The following AHNAK2 variants were observed in gnomAD, a reference collection of about 807,000 sequenced individuals.
AHNAK2 encodes AHNAK nucleoprotein 2.
Under a neutral mutation model 30.7 loss-of-function variants are expected in AHNAK2, and 18 were observed. The ratio of observed to expected loss-of-function variants is 0.59; its 90% CI spans 0.41 to 0.87. AHNAK2 has a LOEUF of 0.87. Ranked by LOEUF, AHNAK2 falls within the 40% of genes least tolerant of loss-of-function variation. The pLI is 0.00. For missense variants in AHNAK2, 8,604 were observed against 7,373.0 expected (o/e 1.17, Z -6.11); for synonymous variants, 3,590 against 3,073.8 (o/e 1.17, Z -5.56).
In AHNAK2 at chr14:104,942,036, G is replaced by T. The variant is rs1450253238; in HGVS notation, c.13415C>A (p.Ser4472Tyr). Residue 4472 changes from serine to tyrosine, a missense_variant, in exon 7 of 7, where the codon TCC becomes TAC. Transcript: ENST00000333244. ...KFKMPKFKMP[S>Y]FGMLSPGKSI... Reference sequence around the variant, plus strand: ...CTTGCCTGGGGACAACATCCCAAAGGATGGCATCTTGAACTTGGGCATTTT... The same window carrying T: ...CTTGCCTGGGGACAACATCCCAAAGTATGGCATCTTGAACTTGGGCATTTT... 1.6e-5 allele frequency: 25 copies of T among 1,612,234 alleles called. No homozygotes were observed. In the Admixed American group the frequency reaches 4.2e-4, roughly 27 times the overall value.
At chr14:104,976,175 C>A (rs1338642179) in intron 1 of AHNAK2, among the ~76,000 whole-genome samples, 1 of 152,178 alleles carries the variant, frequency 6.6e-6, no homozygotes, top group Non-Finnish European at 1.5e-5. Flanking sequence ...GGGAAAGAGG[C>A]AACCTGCCCC....
Position 104,946,883 on chromosome 14 carries a change from A to C in AHNAK2, c.8568T>G (p.Leu2856=), listed in dbSNP as rs151173659. 4,356 of 1,609,798 alleles carry C rather than the reference A, an allele frequency of 2.7e-3. 176 individuals are homozygous for C. The African/African-American group carries it at 0.049, about 18-fold the overall frequency. The stretch of plus-strand genomic sequence containing the variant: ...GCTGAATGCGGATGTCAGTGGTCTT[A>C]AGATCCCCTTGCATGGAGGGGAAGC... ...DGSFPSMQGD[L]KTTDIRIQPP... is the part of the protein sequence containing the mutation. Residue 2856 remains leucine (L), a synonymous_variant, in exon 7 of 7, where the codon CTT becomes CTG. Transcript: ENST00000333244.
Position 104,944,982 on chromosome 14 carries a change from C to T in AHNAK2, c.10469G>A (p.Arg3490Lys), listed in dbSNP as rs199872023. 517 of 1,611,102 alleles carry T rather than the reference C, an allele frequency of 3.2e-4. 1 individual carries two copies. The highest frequency in any genetic ancestry group is 2.0e-3 in the African/African-American group (152 of 74,282). Reference sequence around the variant, plus strand: ...CACATCCAGCGAGGCCTCGATGGACCTGCCTGGGGCCGACACCCCGAAGGA... The same window carrying T: ...CACATCCAGCGAGGCCTCGATGGACTTGCCTGGGGCCGACACCCCGAAGGA... ...MPSFGVSAPG[R>K]SIEASLDVSA... Residue 3490 changes from arginine (R) to lysine (K), a missense_variant, in exon 7 of 7, where the codon AGG becomes AAG. Arg to Lys is a conservative substitution (Grantham distance 26). Transcript: ENST00000333244.
intron 1 of AHNAK2, among the ~76,000 whole-genome samples, chr14:104,965,471 CA>C (rs752083479): frequency 2.7e-4 from 40 of 150,716 alleles, no homozygotes; most frequent in East Asian, 3.9e-4. Context: ...AACCGTCCCA[CA>C]AAAAGGACTC....
rs866110690 is a variant in AHNAK2, at chr14:104,969,889, A to T, written c.55+8294T>A. 1.2e-3 allele frequency among the ~76,000 whole-genome samples: 190 copies of T among 152,222 alleles called. 1 individual carries two copies. The highest frequency in any genetic ancestry group is 4.3e-3 in the African/African-American group (180 of 41,542). On this transcript the variant is annotated intron_variant, in intron 1 of 6. Coordinates refer to ENST00000333244, the MANE Select transcript of AHNAK2 (RefSeq NM_138420.4). ...GGCAGTGTGACCCTGTGATGGAGCTACCCATCGCCCCAGGCCCCCACAGCC... is the reference window on the plus strand; with the variant it reads ...GGCAGTGTGACCCTGTGATGGAGCTTCCCATCGCCCCAGGCCCCCACAGCC...
chr14:104,948,911 T>C lies in AHNAK2; in HGVS notation c.6540A>G (p.Pro2180=), dbSNP rs561363215. The C allele has an allele frequency of 6.5e-3, 10,226 of 1,583,612 alleles. 474 individuals carry two copies. The African/African-American group carries it at 0.11, about 17-fold the overall frequency. ...GACTCATGTCGGCCTCCACCTTGGG[T>C]GGAGACACATCCACCGAGGCCTCGA... The part of the protein sequence containing the change: ...KSIEASVDVS[P]PKVEADMSLP... Residue 2180 remains proline (P), a synonymous_variant, in exon 7 of 7, where the codon CCA becomes CCG. Transcript: ENST00000333244.
rs150553508 is a variant in AHNAK2, at chr14:104,938,833, G to A, written c.16618C>T (p.Gln5540Ter). The A allele has an allele frequency of 4.3e-6, 7 of 1,613,924 alleles. No homozygotes were observed. In the African/African-American group the frequency reaches 8.0e-5, roughly 18 times the overall value. The change falls in exon 7 of 7, where the codon CAA becomes TAA. Residue 5540 changes from glutamine to a stop codon, truncating the protein, a stop_gained. Coordinates refer to ENST00000333244, the MANE Select transcript of AHNAK2 (RefSeq NM_138420.4). LOFTEE classifies it low-confidence loss of function (END_TRUNC). ...GTGCCCTCCTGAGTCCTAGAGTGTT[G>A]AGTCATTGTTGTGTACACTCTAGCC... is the stretch of plus-strand genomic sequence containing the variant. ...TQARVYTTMT[Q>*]HSRTQEGTEE...
chr14:104,965,812 T>C (rs1379862056), intron 1 of AHNAK2, among the ~76,000 whole-genome samples: 1 of 152,244 alleles, frequency 6.6e-6, no homozygotes, highest in Non-Finnish European at 1.5e-5. Flanking sequence ...TAGGTCTGGC[T>C]GCTCCTCTGG....
rs1897943044 is a variant in AHNAK2, at chr14:104,940,415, C to A, written c.15036G>T (p.Glu5012Asp). ...HMDLPPERDG[E>D]KGRSTKPGFA... ...AGCCAGGCTTTGTGCTCCTCCCCTT[C>A]TCTCCATCCCTCTCAGGAGGCAGAT... Residue 5012 changes from glutamate to aspartate, a missense_variant, in exon 7 of 7, where the codon GAG becomes GAT. Physicochemically the swap from Glu to Asp is conservative, Grantham distance 45. Coordinates refer to ENST00000333244, the MANE Select transcript of AHNAK2 (RefSeq NM_138420.4). The surrounding 1 kb of genome is among the most constrained non-coding windows in gnomAD (Gnocchi z 4.4). The A allele has an allele frequency of 6.2e-7, 1 of 1,613,932 alleles. No homozygotes were observed. The highest frequency in any genetic ancestry group is 1.7e-5 in the Admixed American group (1 of 60,030).
At position 104,944,841 on chromosome 14, in the gene AHNAK2, A is replaced by T. The variant is rs1394434801; in HGVS notation, c.10610T>A (p.Val3537Glu). The T allele has an allele frequency of 3.7e-6, 6 of 1,612,162 alleles. No individual in the cohort carries two copies. The highest frequency in any genetic ancestry group is 1.7e-5 in the Admixed American group (1 of 59,842). ...SADLEVQAVQ[V>E]DVELLEGPVP... Reference sequence around the variant, plus strand: ...GGGGCCCTCCAGGAGTTCCACATCCACTTGGACAGCCTGGACCTCCAGGTC... The same window carrying T: ...GGGGCCCTCCAGGAGTTCCACATCCTCTTGGACAGCCTGGACCTCCAGGTC... Residue 3537 changes from valine to glutamate, a missense_variant, in exon 7 of 7, where the codon GTG becomes GAG. Transcript: ENST00000333244.
In AHNAK2 at chr14:104,959,305, T is replaced by C. The variant is rs111505832; in HGVS notation, c.56-1633A>G. On this transcript the variant is annotated intron_variant, in intron 1 of 6. Coordinates refer to ENST00000333244, the MANE Select transcript of AHNAK2 (RefSeq NM_138420.4). The stretch of plus-strand genomic sequence containing the variant: ...CTTCTGCCTCAGCCTCCCGAGTAGC[T>C]GGGACTACAGACACGCGCTACCATG... 5.0e-3 allele frequency among the ~76,000 whole-genome samples: 763 copies of C among 152,294 alleles called. 6 individuals carry two copies. The highest frequency in any genetic ancestry group is 0.017 in the African/African-American group (716 of 41,574).
Position 104,947,535 on chromosome 14 carries a change from T to A in AHNAK2, c.7916A>T (p.Lys2639Met). 6.2e-7 allele frequency: 1 copy of A among 1,612,498 alleles called. No homozygotes were observed. Among genetic ancestry groups the A allele is most frequent in the Non-Finnish European group, 8.5e-7 (1 of 1,179,582 alleles). ...RLEGDLSLAD[K>M]GVTAKDSKFK... ...CTTGCTATCTTTGGCTGTCACACCC[T>A]TGTCGGCCAGGGACAGGTCCCCCTC... The change falls in exon 7 of 7, where the codon AAG (lysine) becomes ATG (methionine). Residue 2639 changes from lysine (K) to methionine (M), a missense_variant. Transcript: ENST00000333244.
Position 104,937,857 on chromosome 14 carries a change from T to G in AHNAK2, c.*206A>C. 1 of 539,358 alleles carries G rather than the reference T, an allele frequency of 1.9e-6. No individual in the cohort carries two copies. The highest frequency in any genetic ancestry group is 3.1e-6 in the Non-Finnish European group (1 of 322,164). 33.4% of individuals were successfully genotyped at this position (539,358 alleles called of 1,614,324 possible). On this transcript the variant is annotated 3_prime_UTR_variant, in exon 7 of 7. Transcript: ENST00000333244. ...AGGGTGCCTTCTTTGCATCCAAAGC[T>G]TTGAGGGAGCTGGGAAGCTTTGGTT...
In AHNAK2 at chr14:104,945,330, A is replaced by C. The variant is rs202195380; in HGVS notation, c.10121T>G (p.Val3374Gly). ...DLEVQAGQVD[V>G]KLPEGHVPEG... ...GGGCACGTGGCCCTCCGGGAGCTTCACGTCCACCTGGCCAGCCTGGACCTC... is the reference window on the plus strand; with the variant it reads ...GGGCACGTGGCCCTCCGGGAGCTTCCCGTCCACCTGGCCAGCCTGGACCTC... The change falls in exon 7 of 7, where the codon GTG (valine) becomes GGG (glycine). Residue 3374 changes from valine (V) to glycine (G), a missense_variant. By Grantham distance (109) the Val-to-Gly change is moderately radical (BLOSUM62 -3). Transcript: ENST00000333244. 742 of 1,612,686 alleles carry C rather than the reference A, an allele frequency of 4.6e-4. 9 individuals are homozygous for C. In the African/African-American group the frequency reaches 8.6e-3, roughly 19 times the overall value.
In AHNAK2 at chr14:104,944,346, A is replaced by C. The variant is rs769307756; in HGVS notation, c.11105T>G (p.Met3702Arg). 6.2e-7 allele frequency: 1 copy of C among 1,612,326 alleles called. No homozygotes were observed. Among genetic ancestry groups the C allele is most frequent in the East Asian group, 2.2e-5 (1 of 44,700 alleles). The change falls in exon 7 of 7, where the codon ATG (methionine) becomes AGG (arginine). Residue 3702 changes from methionine (M) to arginine (R), a missense_variant. Physicochemically the swap from Met to Arg is moderately conservative, Grantham distance 91. Coordinates refer to ENST00000333244, the MANE Select transcript of AHNAK2 (RefSeq NM_138420.4). Reference protein sequence around the residue: ...SADLKVQAGQMDVKLPEGQVP... With the variant: ...SADLKVQAGQRDVKLPEGQVP... ...CTGGCCCTCCGGGAGCTTCACATCC[A>C]TCTGGCCAGCCTGGACCTTCAGGTC... is the stretch of plus-strand genomic sequence containing the variant.
chr14:104,973,277 C>T (rs145533603), intron 1 of AHNAK2, among the ~76,000 whole-genome samples: 6 of 152,312 alleles, frequency 3.9e-5, no homozygotes, highest in South Asian at 2.1e-4. Context: ...AGCTAGGAGT[C>T]GCCATGGGAA....
rs1177918616 is a variant in AHNAK2, at chr14:104,938,184, G to A, written c.17267C>T (p.Thr5756Ile). The A allele has an allele frequency of 1.2e-6, 2 of 1,613,854 alleles. No individual in the cohort carries two copies. Among genetic ancestry groups the A allele is most frequent in the African/African-American group, 1.3e-5 (1 of 74,924 alleles). ...CACCATCACTCTGGAGTCCAGCCCA[G>A]TGCCCACAGGCCCGATCAGTTCACC... Reference protein sequence around the residue: ...EEGELIGPVGTGLDSRVMVTS... With the variant: ...EEGELIGPVGIGLDSRVMVTS... The change falls in exon 7 of 7, where the codon ACT becomes ATT. Residue 5756 changes from threonine to isoleucine, a missense_variant. Physicochemically the swap from Thr to Ile is moderately conservative, Grantham distance 89. Coordinates refer to ENST00000333244, the MANE Select transcript of AHNAK2 (RefSeq NM_138420.4).
rs1898692599 is a variant in AHNAK2 at position 104,951,305 on chromosome 14, G to GCA, written c.4145_4146insTG (p.Thr1383AlafsTer13). On this transcript the variant is annotated frameshift_variant, in exon 7 of 7. Transcript: ENST00000333244. LOFTEE classifies it low-confidence loss of function (END_TRUNC). ...GGCCAGCCTGGAGCTCCAGGTCAGT[G>GCA]GAAGGGGGCTGAATGCTGAGGTCAG... The GCA allele has an allele frequency of 9.4e-7, 1 of 1,058,766 alleles. No homozygotes were observed. Among genetic ancestry groups the GCA allele is most frequent in the Admixed American group, 2.2e-5 (1 of 46,422 alleles). The allele number at this position is 1,058,766 out of a possible 1,614,324, so 65.6% of individuals were successfully genotyped here. A position where few individuals can be genotyped will look rare whatever the true frequency, so the allele number is the denominator to read the frequency against.
At position 104,948,766 on chromosome 14, in the gene AHNAK2, C is replaced by A. The variant is rs1898467198; in HGVS notation, c.6685G>T (p.Glu2229Ter). The stretch of plus-strand genomic sequence containing the variant: ...GGCAGGTGCCCTTTGAGGCCGACTT[C>A]CTCGGGCACAGGGCCCTCCAGGAGT... Reference protein sequence around the residue: ...VKLLEGPVPEEVGLKGHLPKL... With the variant: ...VKLLEGPVPE The change falls in exon 7 of 7, where the codon GAA (glutamate) becomes TAA (stop). Residue 2229 changes from glutamate to a stop codon, truncating the protein, a stop_gained. Coordinates refer to ENST00000333244, the MANE Select transcript of AHNAK2 (RefSeq NM_138420.4). LOFTEE classifies it low-confidence loss of function (END_TRUNC). 1 of 1,611,914 alleles carries A rather than the reference C, an allele frequency of 6.2e-7. No individual in the cohort carries two copies. The highest frequency in any genetic ancestry group is 8.5e-7 in the Non-Finnish European group (1 of 1,179,624).
Sources: allele counts gnomAD v4.1 joint callset (sites outside exome capture counted in the v4.1 genomes callset), GRCh38; gene constraint gnomAD v4.1.1; non-coding constraint Gnocchi (gnomAD v3.1); transcripts MANE v1.5; gene names NCBI Gene and HGNC (gene_info 2026-07-23, HGNC 2026-07-21).